The following ERP44 variants were observed in gnomAD, a reference collection of about 807,000 sequenced individuals.
ERP44 encodes endoplasmic reticulum resident protein 44.
In ERP44, 25 loss-of-function variants were observed where a neutral mutation model predicts 53.4. The ratio of observed to expected loss-of-function variants is 0.47; its 90% CI spans 0.34 to 0.65. ERP44 has a LOEUF of 0.65. Among genes scored for constraint, ERP44 ranks in the 30% least tolerant of loss-of-function variants. ERP44 has a pLI of 0.01. For synonymous variants in ERP44, 145 were observed against 161.2 expected, an observed-to-expected ratio of 0.90 and a Z score of 0.76; for missense variants, 338 against 493.2, an observed-to-expected ratio of 0.69 and a Z score of 2.98.
chr9:100,010,404 C>T (rs548970973), intron 8 of ERP44, among the ~76,000 whole-genome samples: 1 of 152,246 alleles, frequency 6.6e-6, no homozygotes, highest in South Asian at 2.1e-4. Context: ...AGGGAGATGC[C>T]GTTTCACTGT....
At chr9:100,042,222 A>T (rs1305156091) in intron 4 of ERP44, among the ~76,000 whole-genome samples, 1 of 152,244 alleles carries the variant, frequency 6.6e-6, no homozygotes, top group East Asian at 1.9e-4. Context: ...TCAAAAATGT[A>T]ATAATCTGAT....
intron 10 of ERP44, among the ~76,000 whole-genome samples, chr9:99,993,981 C>T (rs1830283793): frequency 6.6e-6 from 1 of 152,120 alleles, no homozygotes; most frequent in African/African-American, 2.4e-5. Context: ...GTTAGAATGG[C>T]AATCATTAAG....
intron 8 of ERP44, among the ~76,000 whole-genome samples, chr9:100,014,270 A>G (rs1830506472): frequency 6.6e-6 from 1 of 151,986 alleles, no homozygotes; most frequent in South Asian, 2.1e-4. Context: ...ATTGGTCTTT[A>G]GTTGTTTTTT....
chr9:100,056,124 G>A (rs1266860380), intron 3 of ERP44, among the ~76,000 whole-genome samples: 1 of 152,176 alleles, frequency 6.6e-6, no homozygotes, highest in Non-Finnish European at 1.5e-5. Flanking sequence ...CTCTCAGTCA[G>A]GAGAAAGTCG....
chr9:100,016,489 T>C (rs1830527095), intron 7 of ERP44, 51 bp from the exon 8 acceptor site: 2 of 1,518,366 alleles, frequency 1.3e-6, no homozygotes, highest in Admixed American at 2.3e-5. Context: ...CTGGCAAAAG[T>C]ATATTCTTAT....
intron 1 of ERP44, among the ~76,000 whole-genome samples, chr9:100,079,465 A>G (rs892921002): frequency 6.9e-6 from 1 of 145,192 alleles, no homozygotes; most frequent in African/African-American, 2.5e-5. Flanking sequence ...CAGACACCCT[A>G]TTAGTTCTGC....
chr9:100,057,280 T>TACTTCC (rs1826096057), intron 3 of ERP44, among the ~76,000 whole-genome samples: 1 of 152,200 alleles, frequency 6.6e-6, no homozygotes, highest in Non-Finnish European at 1.5e-5. Flanking sequence ...ATATACCATG[T>TACTTCC]TGTTCTAGAT....
At chr9:100,005,624 G>A (rs1204723106) in intron 10 of ERP44, among the ~76,000 whole-genome samples, 1 of 152,106 alleles carries the variant, frequency 6.6e-6, no homozygotes, top group Non-Finnish European at 1.5e-5. Flanking sequence ...AAGAACAGAG[G>A]AGGTAAGTGA....
rs1826698968 is a variant in ERP44 at position 100,098,789 on chromosome 9, G to T, written c.52C>A (p.Leu18Ile). The T allele has an allele frequency of 6.2e-7, 1 of 1,613,622 alleles. No individual in the cohort carries two copies. Among genetic ancestry groups the T allele is most frequent in the South Asian group, 1.1e-5 (1 of 91,066 alleles). ...TCTGTCATTCCCTCACTCACCAGGA[G>T]CAGAAGGGAGCATCTGAGGTCGGGT... ...SLPDLRCSLL[L>I]LVTWVFTPVT... is the part of the protein sequence containing the mutation. The change falls in exon 1 of 12, where the codon CTC becomes ATC. Residue 18 changes from leucine to isoleucine, a missense_variant. This residue lies in a region of ERP44 where 224 missense variants were observed against 301.4 expected (regional missense o/e 0.74). Transcript: ENST00000262455.
chr9:100,048,420 A>G (rs1477035863), intron 4 of ERP44, among the ~76,000 whole-genome samples: 3 of 152,206 alleles, frequency 2.0e-5, no homozygotes, highest in African/African-American at 7.2e-5. Flanking sequence ...ACTCCTAATG[A>G]AAATGTAAAA....
intron 1 of ERP44, 126 bp from the exon 2 acceptor site, chr9:100,060,298 ATCTT>A: frequency 9.8e-7 from 1 of 1,023,150 alleles, no homozygotes; most frequent in Non-Finnish European, 1.3e-6. Context: ...ATTGAATTGA[ATCTT>A]TATTATCTAG....
intron 4 of ERP44, among the ~76,000 whole-genome samples, chr9:100,035,230 TAATTAAAC>T (rs1354100441): frequency 6.6e-6 from 1 of 152,122 alleles, no homozygotes; most frequent in Non-Finnish European, 1.5e-5. Context: ...AAGTGGGACC[TAATTAAAC>T]TAAAGAGCCT....
intron 1 of ERP44, among the ~76,000 whole-genome samples, chr9:100,087,135 T>A (rs530923071): frequency 6.6e-6 from 1 of 151,534 alleles, no homozygotes; most frequent in South Asian, 2.1e-4. Context: ...CAAACCCTAA[T>A]CTCCTTTAAT....
intron 1 of ERP44, among the ~76,000 whole-genome samples, chr9:100,089,912 T>G (rs942993199): frequency 2.0e-5 from 3 of 152,168 alleles, no homozygotes; most frequent in Admixed American, 1.3e-4. Context: ...TTACCTCCTG[T>G]GGATAAGAGG....
At chr9:100,020,208 T>C (rs1564091248) in intron 6 of ERP44, among the ~76,000 whole-genome samples, 3 of 151,964 alleles carry the variant, frequency 2.0e-5, no homozygotes, top group African/African-American at 7.2e-5. Flanking sequence ...GGAAGATCTA[T>C]AAAAAAAGGT....
chr9:100,069,549 T>C (rs1826276829), intron 1 of ERP44, among the ~76,000 whole-genome samples: 3 of 152,100 alleles, frequency 2.0e-5, no homozygotes, highest in Admixed American at 1.3e-4. Context: ...TGAGCTGAGA[T>C]TGAGCCAGTG....
At chr9:100,052,690 A>C (rs1015636335) in intron 3 of ERP44, among the ~76,000 whole-genome samples, 158 bp from the exon 4 acceptor site, 2 of 152,208 alleles carry the variant, frequency 1.3e-5, no homozygotes, top group Admixed American at 1.3e-4. Flanking sequence ...CGTTCAATGG[A>C]GATGAAGACA....
intron 3 of ERP44, among the ~76,000 whole-genome samples, chr9:100,054,430 G>A (rs534778033): frequency 2.8e-4 from 42 of 152,190 alleles, no homozygotes; most frequent in African/African-American, 5.5e-4. Flanking sequence ...TAAGGGCGAC[G>A]TAAAAAAACA....
intron 4 of ERP44, among the ~76,000 whole-genome samples, chr9:100,034,725 T>C (rs1011149073): frequency 6.6e-6 from 1 of 152,158 alleles, no homozygotes; most frequent in Non-Finnish European, 1.5e-5. Context: ...GAAAAAACTA[T>C]TGTAAATTCA....
Sources: gnomAD v4.1 joint callset for allele counts (sites outside exome capture counted in the v4.1 genomes callset) on GRCh38, gnomAD v4.1.1 for gene constraint, gnomAD v4.1.1 regional missense constraint, MANE v1.5 for transcripts, NCBI Gene and HGNC (gene_info 2026-07-23, HGNC 2026-07-21) for gene names.